Variants in UPRT observed in about 807,000 individuals in gnomAD.
The protein encoded by UPRT is RP11-311P8.3.
UPRT carries 5 observed loss-of-function variants against 22.6 expected under a neutral mutation model. The observed-to-expected ratio is 0.22, with a 90% CI of 0.12 to 0.47. The LOEUF is 0.47. UPRT is among the 20% of genes least tolerant of loss of function. UPRT has a pLI of 0.99. For missense variants in UPRT, 181 were observed against 239.9 expected (o/e 0.75, Z 1.62); for synonymous variants, 77 against 87.7 (o/e 0.88, Z 0.68).
At chrX:75,220,891 C>T (rs2082408112) in intron 4 of UPRT, among the ~76,000 whole-genome samples, 1 of 111,436 alleles carries the variant, frequency 9.0e-6, no homozygotes, top group Admixed American at 9.6e-5. Context: ...TGTTTTTCTC[C>T]ATACTCACTA....
At chrX:75,249,961 C>T (rs1230729445) in intron 4 of UPRT, among the ~76,000 whole-genome samples, 20 of 111,935 alleles carry the variant, frequency 1.8e-4, no homozygotes. Flanking sequence ...TGAATGACTA[C>T]TGGGTACATA....
At chrX:75,158,725 T>G (rs924086480) in intron 1 of UPRT, among the ~76,000 whole-genome samples, 4 of 111,957 alleles carry the variant, frequency 3.6e-5, no homozygotes, top group African/African-American at 1.3e-4. Context: ...CCTTTCCACT[T>G]GCTTTCCCCT....
chrX:75,245,045 C>T (rs1189502241), intron 4 of UPRT, among the ~76,000 whole-genome samples: 1 of 110,102 alleles, frequency 9.1e-6, no homozygotes, highest in African/African-American at 3.3e-5. Context: ...GTCTAATATC[C>T]AGAATCTATT....
intron 4 of UPRT, among the ~76,000 whole-genome samples, chrX:75,253,742 G>A (rs2082539970): frequency 8.9e-6 from 1 of 111,989 alleles, no homozygotes; most frequent in Non-Finnish European, 1.9e-5. Context: ...CAAATACTTT[G>A]AGTGCCAAAA....
At chrX:75,263,784 T>A (rs996293115) in intron 4 of UPRT, among the ~76,000 whole-genome samples, 21 of 110,991 alleles carry the variant, frequency 1.9e-4, no homozygotes, top group African/African-American at 5.6e-4. Context: ...TGCTCTTGCT[T>A]CTCTAGTTCT....
At position 75,245,780 on chromosome X, in the gene UPRT, G is replaced by A. The variant is rs185884644; in HGVS notation, c.-446-45244G>A. Among the ~76,000 whole-genome samples, 76 of 111,169 alleles carry A rather than the reference G, an allele frequency of 6.8e-4. No individual in the cohort carries two copies. The East Asian group carries it at 0.014, about 21-fold the overall frequency. On this transcript the variant is annotated intron_variant, in intron 4 of 13. Coordinates refer to the UPRT transcript ENST00000652605. ...CACGAAGAGGAAAACAATAGACATG[G>A]GGGCCTACTTGTGGGTGGAGAAAGG...
At chrX:75,262,930 G>A (rs1301103545) in intron 4 of UPRT, among the ~76,000 whole-genome samples, 1 of 111,304 alleles carries the variant, frequency 9.0e-6, no homozygotes, top group East Asian at 2.8e-4. Flanking sequence ...TTCAGGACTT[G>A]AACTCAGCTC....
chrX:75,162,458 A>C (rs1392475476), intron 2 of UPRT, among the ~76,000 whole-genome samples: 3 of 111,600 alleles, frequency 2.7e-5, no homozygotes, highest in Admixed American at 9.6e-5. Flanking sequence ...TTTTCATCTT[A>C]AACTCTCCAA....
intron 4 of UPRT, among the ~76,000 whole-genome samples, chrX:75,189,408 G>T (rs1286936766): frequency 8.9e-6 from 1 of 111,736 alleles, no homozygotes; most frequent in Non-Finnish European, 1.9e-5. Flanking sequence ...CCAACTATGT[G>T]GTCAATTTTG....
At chrX:75,288,871 C>T (rs2082693448) in intron 1 of UPRT, among the ~76,000 whole-genome samples, 1 of 111,266 alleles carries the variant, frequency 9.0e-6, no homozygotes, top group African/African-American at 3.3e-5. Flanking sequence ...TAAAAGGCAA[C>T]CAGATAGGAA....
chrX:75,259,191 TC>T (rs2082559734), intron 4 of UPRT, among the ~76,000 whole-genome samples: 1 of 110,164 alleles, frequency 9.1e-6, no homozygotes, highest in Non-Finnish European at 1.9e-5. Context: ...GCCTGACAAT[TC>T]CAAAAACCAA....
intron 4 of UPRT, among the ~76,000 whole-genome samples, chrX:75,255,635 C>T (rs1045178274): frequency 1.8e-5 from 2 of 111,282 alleles, no homozygotes; most frequent in African/African-American, 6.5e-5. Context: ...CACACAAGGA[C>T]TCACATAAAA....
upstream of UPRT, among the ~76,000 whole-genome samples, chrX:75,270,412 C>T (rs1183646669): frequency 9.0e-6 from 1 of 111,495 alleles, no homozygotes; most frequent in Non-Finnish European, 1.9e-5. Flanking sequence ...TGGGTATATA[C>T]CCAAAGGATT....
rs999984010 is a variant in UPRT, at chrX:75,300,724, C to T, written c.725-143C>T. On this transcript the variant is annotated intron_variant, in intron 5 of 6. Coordinates refer to ENST00000373383, the MANE Select transcript of UPRT (RefSeq NM_145052.4). ...ATGGCTTGAGCCTGGGAGGTCAAGG[C>T]TGCAGTGGGCCGAGATCATGCCACT... 3 of 424,658 alleles carry T rather than the reference C, an allele frequency of 7.1e-6. No homozygotes were observed. In the African/African-American group the frequency reaches 7.8e-5, roughly 11 times the overall value. 35.0% of individuals were successfully genotyped at this position (424,658 alleles called of 1,213,427 possible).
At chrX:75,259,682 C>T (rs990281412) in intron 4 of UPRT, among the ~76,000 whole-genome samples, 1 of 110,849 alleles carries the variant, frequency 9.0e-6, no homozygotes, top group African/African-American at 3.3e-5. Flanking sequence ...TTGGAAAACA[C>T]TGCAGGATAT....
intron 5 of UPRT, 137 bp downstream of exon 5, chrX:75,300,033 C>T: frequency 5.6e-6 from 4 of 715,600 alleles, no homozygotes; most frequent in Non-Finnish European, 8.1e-6. Flanking sequence ...CTGCCCCAGG[C>T]AGTTCACTGG....
At chrX:75,244,558 G>A (rs950916255) in intron 4 of UPRT, among the ~76,000 whole-genome samples, 3 of 111,211 alleles carry the variant, frequency 2.7e-5, no homozygotes, top group African/African-American at 6.5e-5. Flanking sequence ...GATACAAAAA[G>A]TATCACCAGT....
At chrX:75,274,024 G>A, upstream of UPRT, 2 of 396,088 alleles carry the variant, frequency 5.0e-6, no homozygotes, top group Admixed American at 9.6e-5. Flanking sequence ...CAGAGTGGCG[G>A]GGAGTGCAGC....
intron 4 of UPRT, among the ~76,000 whole-genome samples, chrX:75,252,954 A>G (rs1239324455): frequency 9.0e-6 from 1 of 111,598 alleles, no homozygotes; most frequent in African/African-American, 3.3e-5. Flanking sequence ...AAAAAACGAA[A>G]CACCACATGT....
Sources: allele counts gnomAD v4.1 joint callset (sites outside exome capture counted in the v4.1 genomes callset), GRCh38; gene constraint gnomAD v4.1.1; transcripts MANE v1.5; gene names NCBI Gene and HGNC (gene_info 2026-07-23, HGNC 2026-07-21).